Variants in ARHGAP31 observed in about 807,000 individuals in gnomAD.
ARHGAP31 encodes the protein rho GTPase-activating protein 31.
In ARHGAP31, 34 loss-of-function variants were observed where a neutral mutation model predicts 113.9. The observed-to-expected ratio is 0.30, with a 90% CI of 0.23 to 0.40. The LOEUF (loss-of-function observed/expected upper bound fraction) is 0.40, where lower values mean the gene tolerates loss of function less well. ARHGAP31 is among the 10% of genes least tolerant of loss of function. The pLI is 1.00. For synonymous variants in ARHGAP31, 650 were observed against 684.8 expected (o/e 0.95, Z 0.79); for missense variants, 1,548 against 1,767.1 (o/e 0.88, Z 2.22).
At chr3:119,343,513 A>G (rs541262890) in intron 1 of ARHGAP31, among the ~76,000 whole-genome samples, 66 of 152,316 alleles carry the variant, frequency 4.3e-4, no homozygotes, top group African/African-American at 1.5e-3. Context: ...CATACTTCCT[A>G]AACTCAGAGA....
At chr3:119,397,357 G>A (rs2080562006) in intron 8 of ARHGAP31, among the ~76,000 whole-genome samples, 1 of 152,190 alleles carries the variant, frequency 6.6e-6, no homozygotes, top group African/African-American at 2.4e-5. Flanking sequence ...ACACAGTCAG[G>A]GGCGCCTGGT....
chr3:119,325,168 AAC>A (rs2079830353), intron 1 of ARHGAP31, among the ~76,000 whole-genome samples: 1 of 152,158 alleles, frequency 6.6e-6, no homozygotes, highest in African/African-American at 2.4e-5. Flanking sequence ...TACCTATATC[AAC>A]ACAGATACTA....
chr3:119,418,479 G>C lies in ARHGAP31; in HGVS notation c.*2215G>C, dbSNP rs1031114145. ...AAGGACCATGTTCCAGTTAGAATGC[G>C]AGGGAGGGAAAGAGCTGCACTTTGC... On this transcript the variant is annotated 3_prime_UTR_variant, in exon 12 of 12. Transcript: ENST00000264245. The C allele has an allele frequency of 6.6e-6, 1 of 152,168 alleles. No homozygotes were observed. The highest frequency in any genetic ancestry group is 1.5e-5 in the Non-Finnish European group (1 of 68,032). 9.4% of individuals were successfully genotyped at this position (152,168 alleles called of 1,614,324 possible).
chr3:119,414,295 C>G lies in ARHGAP31; in HGVS notation c.2366C>G (p.Thr789Ser). 6.2e-7 allele frequency: 1 copy of G among 1,614,238 alleles called. No individual in the cohort carries two copies. Among genetic ancestry groups the G allele is most frequent in the Non-Finnish European group, 8.5e-7 (1 of 1,180,034 alleles). Residue 789 changes from threonine to serine, a missense_variant, in exon 12 of 12, where the codon ACT (threonine) becomes AGT (serine). Physicochemically the swap from Thr to Ser is moderately conservative, Grantham distance 58. Coordinates refer to ENST00000264245, the MANE Select transcript of ARHGAP31 (RefSeq NM_020754.4). ...CTCCCACCTGCTCCTCCCCCTCCAA[C>G]TCCTCTGGAGGAGTCAACTCCAGTC... ...PPLPPAPPPP[T>S]PLEESTPVLL...
Position 119,416,237 on chromosome 3 carries a change from T to G in ARHGAP31, c.4308T>G (p.Asp1436Glu). 1 of 1,614,112 alleles carries G rather than the reference T, an allele frequency of 6.2e-7. No individual in the cohort carries two copies. Among genetic ancestry groups the G allele is most frequent in the Non-Finnish European group, 8.5e-7 (1 of 1,180,030 alleles). Residue 1436 changes from aspartate to glutamate, a missense_variant, in exon 12 of 12, where the codon GAT becomes GAG. Asp to Glu is a conservative substitution (Grantham distance 45). Transcript: ENST00000264245. ...CTCAGCGGAGATCAGTAATTCTGGATGGAAGAAGTGGGAGGCAAATAGAAT... is the reference window on the plus strand; with the variant it reads ...CTCAGCGGAGATCAGTAATTCTGGAGGGAAGAAGTGGGAGGCAAATAGAAT... ...YQPQRRSVILDGRSGRQIE is the reference protein window; with the variant it reads ...YQPQRRSVILEGRSGRQIE
At chr3:119,353,033 G>T (rs572527337) in intron 1 of ARHGAP31, among the ~76,000 whole-genome samples, 1 of 152,300 alleles carries the variant, frequency 6.6e-6, no homozygotes, top group Admixed American at 6.5e-5. Flanking sequence ...TGAGCGGTCT[G>T]CATGTATTGT....
chr3:119,316,326 T>A (rs1164064976), intron 1 of ARHGAP31, among the ~76,000 whole-genome samples: 3 of 152,214 alleles, frequency 2.0e-5, no homozygotes, highest in African/African-American at 7.2e-5. Context: ...CCCAGTGCAG[T>A]ACTGAGGGAT....
At position 119,383,077 on chromosome 3, in the gene ARHGAP31, A is replaced by G. The variant is rs775025186; in HGVS notation, c.540-7A>G. The G allele has an allele frequency of 2.0e-5, 33 of 1,613,938 alleles. No individual in the cohort carries two copies. The highest frequency in any genetic ancestry group is 4.4e-5 in the South Asian group (4 of 91,080). ...CACTAACTGAATATGTTTCTTCCAC[A>G]CGGTAGGTCTAAAGAAATTGAAGCC... On this transcript the variant is annotated splice_region_variant and splice_polypyrimidine_tract_variant and intron_variant, in intron 5 of 11. Transcript: ENST00000264245.
chr3:119,303,713 A>G (rs975428032), intron 1 of ARHGAP31, among the ~76,000 whole-genome samples: 10 of 152,178 alleles, frequency 6.6e-5, no homozygotes, highest in Admixed American at 6.5e-5. Flanking sequence ...ACATAAATCT[A>G]TAGGCTATGT....
intron 1 of ARHGAP31, among the ~76,000 whole-genome samples, chr3:119,298,121 A>G (rs1231028736): frequency 6.6e-6 from 1 of 152,078 alleles, no homozygotes; most frequent in African/African-American, 2.4e-5. Context: ...CCAGGTAAGA[A>G]CACTCAAGAA....
rs1199158791 is a variant in ARHGAP31, at chr3:119,415,499, C to T, written c.3570C>T (p.Phe1190=). 2 of 1,613,970 alleles carry T rather than the reference C, an allele frequency of 1.2e-6. No homozygotes were observed. The highest frequency in any genetic ancestry group is 1.7e-6 in the Non-Finnish European group (2 of 1,180,038). ...GTGTGTCAGCTGTGAGAACCTCCTT[C>T]ATGGTCAAAATGTGCCAGGCCAGGG... The part of the protein sequence containing the change: ...PVSVSAVRTS[F]MVKMCQARAV... Residue 1190 remains phenylalanine (F), a synonymous_variant, in exon 12 of 12, where the codon TTC becomes TTT. Transcript: ENST00000264245.
chr3:119,382,948 C>T, intron 5 of ARHGAP31, 136 bp from the exon 6 acceptor site: 1 of 1,168,506 alleles, frequency 8.6e-7, no homozygotes, highest in South Asian at 1.3e-5. Flanking sequence ...CTTTAATTGG[C>T]CCTAAATAAT....
intron 1 of ARHGAP31, among the ~76,000 whole-genome samples, chr3:119,341,102 G>A (rs560395685): frequency 6.6e-6 from 1 of 152,278 alleles, no homozygotes; most frequent in South Asian, 2.1e-4. Context: ...GAGTCTTGAT[G>A]CTATAGAGGA....
Position 119,347,517 on chromosome 3 carries a change from T to C in ARHGAP31, c.101-17799T>C, listed in dbSNP as rs1189115173. On this transcript the variant is annotated intron_variant, in intron 1 of 11. Coordinates refer to ENST00000264245, the MANE Select transcript of ARHGAP31 (RefSeq NM_020754.4). ...GCCTGGATCACTTCCCAGAGGGTCTTTCTGTCTCTACATGATCCTGACAGA... is the reference window on the plus strand; with the variant it reads ...GCCTGGATCACTTCCCAGAGGGTCTCTCTGTCTCTACATGATCCTGACAGA... Among the ~76,000 whole-genome samples, 7 of 152,298 alleles carry C rather than the reference T, an allele frequency of 4.6e-5. No individual in the cohort carries two copies. The East Asian group carries it at 7.7e-4, about 17-fold the overall frequency.
chr3:119,302,321 C>G (rs1392958177), intron 1 of ARHGAP31, among the ~76,000 whole-genome samples: 2 of 152,202 alleles, frequency 1.3e-5, no homozygotes, highest in African/African-American at 4.8e-5. Context: ...CATTTAAAAC[C>G]CCTGGGAACA....
At chr3:119,311,348 A>C (rs1162635857) in intron 1 of ARHGAP31, among the ~76,000 whole-genome samples, 6 of 152,030 alleles carry the variant, frequency 3.9e-5, no homozygotes, top group Non-Finnish European at 2.9e-5. Flanking sequence ...TCCTTGACTC[A>C]TGTCACCTTT....
At chr3:119,400,813 C>T (rs767116485) in intron 9 of ARHGAP31, among the ~76,000 whole-genome samples, 5 of 152,150 alleles carry the variant, frequency 3.3e-5, no homozygotes, top group East Asian at 1.9e-4. Flanking sequence ...TGGCAACTCG[C>T]GTATCATCTC....
At chr3:119,312,966 C>G (rs1048233126) in intron 1 of ARHGAP31, among the ~76,000 whole-genome samples, 4 of 152,142 alleles carry the variant, frequency 2.6e-5, no homozygotes, top group Admixed American at 2.6e-4. Context: ...GTTCTTTTCC[C>G]TCAAAAATAA....
intron 1 of ARHGAP31, among the ~76,000 whole-genome samples, chr3:119,345,164 T>C (rs2080045486): frequency 6.6e-6 from 1 of 151,898 alleles, no homozygotes; most frequent in Admixed American, 6.6e-5. Context: ...TTTTTGTATT[T>C]TTTAGTAGAG....
Sources: allele counts gnomAD v4.1 joint callset (sites outside exome capture counted in the v4.1 genomes callset), GRCh38; gene constraint gnomAD v4.1.1; transcripts MANE v1.5; gene names NCBI Gene and HGNC (gene_info 2026-07-23, HGNC 2026-07-21).